ABTB2: variants seen among roughly 807,000 people sequenced by gnomAD.
The protein encoded by ABTB2 is ankyrin repeat and BTB domain containing 2, also known as ankyrin repeat and BTB/POZ domain-containing protein 2.
In ABTB2, 56 loss-of-function variants were observed where a neutral mutation model predicts 104.1. The ratio of observed to expected loss-of-function variants is 0.54; its 90% CI spans 0.43 to 0.67. The LOEUF is 0.67. Among genes scored for constraint, ABTB2 ranks in the 30% least tolerant of loss-of-function variants. The pLI, the probability that ABTB2 is intolerant of heterozygous loss-of-function variation, is 0.00. For synonymous variants in ABTB2, 606 were observed against 608.2 expected, an observed-to-expected ratio of 1.00 and a Z score of 0.05; for missense variants, 1,279 against 1,407.7, an observed-to-expected ratio of 0.91 and a Z score of 1.46.
chr11:34,335,392 T>C (rs1855181711), intron 1 of ABTB2: 5 of 826,036 alleles, frequency 6.1e-6, no homozygotes, highest in Non-Finnish European at 1.1e-5. Flanking sequence ...GCAACATTGA[T>C]GAACTTTTCT....
chr11:34,171,096 CGT>C lies in ABTB2; in HGVS notation c.1398-27_1398-26del, dbSNP rs778535381. 15 of 1,608,380 alleles carry C rather than the reference CGT, an allele frequency of 9.3e-6. No homozygotes were observed. In the South Asian group the frequency reaches 1.7e-4, roughly 18 times the overall value. ...TCTGCCCAGAAGAGACCCAAAGGTGCGTGTGACTGTATGCAGACAGCAACTTT... is the reference window on the plus strand; with the variant it reads ...TCTGCCCAGAAGAGACCCAAAGGTGCGTGACTGTATGCAGACAGCAACTTT... On this transcript the variant is annotated intron_variant, in intron 4 of 16. Coordinates refer to ENST00000435224, the MANE Select transcript of ABTB2 (RefSeq NM_145804.3).
intron 1 of ABTB2, among the ~76,000 whole-genome samples, chr11:34,315,865 A>C (rs1389221629): frequency 6.6e-6 from 1 of 152,188 alleles, no homozygotes; most frequent in Non-Finnish European, 1.5e-5. Context: ...TGTGCCAGCC[A>C]GGTGCCAGGC....
chr11:34,158,038 TG>T (rs1288074333), intron 14 of ABTB2, among the ~76,000 whole-genome samples: 1 of 152,206 alleles, frequency 6.6e-6, no homozygotes, highest in Non-Finnish European at 1.5e-5. Context: ...AACTGTGCTG[TG>T]AGGCCTCAAT....
chr11:34,318,515 G>A (rs576084664), intron 1 of ABTB2, among the ~76,000 whole-genome samples: 30 of 152,196 alleles, frequency 2.0e-4, no homozygotes, highest in Non-Finnish European at 3.5e-4. Flanking sequence ...GAGGAAGCTT[G>A]GGGTCTGAGG....
At chr11:34,214,063 G>A (rs961808256) in intron 1 of ABTB2, among the ~76,000 whole-genome samples, 6 of 151,134 alleles carry the variant, frequency 4.0e-5, no homozygotes, top group Non-Finnish European at 8.8e-5. Flanking sequence ...TCCTTGACCC[G>A]CAGTGGGTGA....
chr11:34,343,710 G>A (rs1047723544), intron 1 of ABTB2, among the ~76,000 whole-genome samples: 1 of 151,414 alleles, frequency 6.6e-6, no homozygotes, highest in African/African-American at 2.4e-5. Flanking sequence ...CTGGCCTCAG[G>A]TGATCTGCCT....
intron 16 of ABTB2, 44 bp from the exon 17 acceptor site, chr11:34,152,628 C>T: frequency 1.3e-6 from 2 of 1,557,026 alleles, no homozygotes; most frequent in East Asian, 2.3e-5. Flanking sequence ...CGCCTTAGTA[C>T]AGCCCCACTC....
At chr11:34,210,891 A>G (rs1217855478) in intron 1 of ABTB2, among the ~76,000 whole-genome samples, 1 of 152,202 alleles carries the variant, frequency 6.6e-6, no homozygotes, top group Non-Finnish European at 1.5e-5. Context: ...TAAAAATTAT[A>G]CTGCCCCACT....
intron 1 of ABTB2, among the ~76,000 whole-genome samples, chr11:34,338,337 C>T (rs1855217870): frequency 1.3e-5 from 2 of 151,600 alleles, no homozygotes; most frequent in Admixed American, 1.3e-4. Context: ...GCTGAGACTG[C>T]ACCACTGCAC....
intron 1 of ABTB2, among the ~76,000 whole-genome samples, chr11:34,299,006 CA>C (rs781066931): frequency 9.2e-5 from 14 of 152,300 alleles, no homozygotes; most frequent in Admixed American, 2.6e-4. Context: ...AGGAGCTTTT[CA>C]GGGACGTCTG....
chr11:34,171,895 C>T (rs898909871), intron 4 of ABTB2, among the ~76,000 whole-genome samples: 1 of 152,140 alleles, frequency 6.6e-6, no homozygotes, highest in Non-Finnish European at 1.5e-5. Context: ...ATCAACGCAA[C>T]CTACAAGGAA....
chr11:34,195,153 G>T (rs1441532089), intron 3 of ABTB2, among the ~76,000 whole-genome samples: 1 of 149,382 alleles, frequency 6.7e-6, no homozygotes, highest in Admixed American at 6.8e-5. Context: ...GACAGCCTGA[G>T]GGCCCAGCAG....
intron 2 of ABTB2, among the ~76,000 whole-genome samples, chr11:34,201,200 C>A (rs1474216554): frequency 6.6e-6 from 1 of 152,026 alleles, no homozygotes; most frequent in Non-Finnish European, 1.5e-5. Context: ...TTCAATTGAT[C>A]CTACACTCAA....
In ABTB2 at chr11:34,343,118, C is replaced by T. The variant is rs545616446; in HGVS notation, c.883+13583G>A. 1.1e-3 allele frequency among the ~76,000 whole-genome samples: 166 copies of T among 151,624 alleles called. 1 individual carries two copies. Among genetic ancestry groups the T allele is most frequent in the Non-Finnish European group, 2.1e-3 (141 of 67,844 alleles). On this transcript the variant is annotated intron_variant, in intron 1 of 16. Transcript: ENST00000435224. ...CCGAGTAGCTGGGATTACAGGTGTG[C>T]GCCAGCACTCTGGGCTAATATGTTG...
chr11:34,326,446 G>A (rs143381084), intron 1 of ABTB2, among the ~76,000 whole-genome samples: 1,825 of 152,058 alleles, frequency 0.012, 30 homozygotes, highest in African/African-American at 0.04. Flanking sequence ...AACGTGGTGA[G>A]ACCCCCATCT....
intron 1 of ABTB2, among the ~76,000 whole-genome samples, chr11:34,213,052 G>A (rs990562859): frequency 1.8e-4 from 28 of 152,146 alleles, no homozygotes; most frequent in African/African-American, 6.3e-4. Context: ...GAATCCTTTG[G>A]GCCTGCTGGG....
chr11:34,172,227 C>T (rs1490412059), intron 4 of ABTB2, among the ~76,000 whole-genome samples: 1 of 151,188 alleles, frequency 6.6e-6, no homozygotes, highest in Non-Finnish European at 1.5e-5. Flanking sequence ...ACAAAACTAC[C>T]CAGACGTGGT....
At position 34,302,757 on chromosome 11, in the gene ABTB2, T is replaced by C. The variant is rs77861107; in HGVS notation, c.883+53944A>G. Among the ~76,000 whole-genome samples, 482 of 152,164 alleles carry C rather than the reference T, an allele frequency of 3.2e-3. 10 individuals are homozygous for C. In the East Asian group the frequency reaches 0.065, roughly 21 times the overall value. ...CAACCTCTTTAGCGCTTGCGAGGGGTAGTAGGCTTAGGTGACATAATCAAA... is the reference window on the plus strand; with the variant it reads ...CAACCTCTTTAGCGCTTGCGAGGGGCAGTAGGCTTAGGTGACATAATCAAA... On this transcript the variant is annotated intron_variant, in intron 1 of 16. Coordinates refer to ENST00000435224, the MANE Select transcript of ABTB2 (RefSeq NM_145804.3).
intron 1 of ABTB2, among the ~76,000 whole-genome samples, chr11:34,343,644 C>T (rs1323891067): frequency 1.0e-3 from 131 of 129,690 alleles, no homozygotes; most frequent in Middle Eastern, 3.8e-3. Context: ...CGCCTCATTT[C>T]TGTATTTTTA....
Sources: allele counts gnomAD v4.1 joint callset (sites outside exome capture counted in the v4.1 genomes callset), GRCh38; gene constraint gnomAD v4.1.1; transcripts MANE v1.5; gene names NCBI Gene and HGNC (gene_info 2026-07-23, HGNC 2026-07-21).